The following AKR1B10 variants were observed in gnomAD, a reference collection of about 807,000 sequenced individuals.
AKR1B10 encodes aldo-keto reductase family 1 member B10, also known as ARP.
Under a neutral mutation model 38.9 loss-of-function variants are expected in AKR1B10, and 39 were observed. The ratio of observed to expected loss-of-function variants is 1.00; its 90% confidence interval spans 0.78 to 1.31. The LOEUF (loss-of-function observed/expected upper bound fraction) is 1.31, where lower values mean the gene tolerates loss of function less well. Among genes scored for constraint, AKR1B10 ranks in the 50% most tolerant of loss-of-function variants. The pLI is 0.00. For missense variants in AKR1B10, 361 were observed against 382.6 expected (o/e 0.94, Z 0.47); for synonymous variants, 148 against 141.2 (o/e 1.05, Z -0.34).
chr7:134,540,719 T>A (rs765822508), intron 9 of AKR1B10, among the ~76,000 whole-genome samples: 7 of 152,182 alleles, frequency 4.6e-5, no homozygotes, highest in Non-Finnish European at 7.3e-5. Context: ...AGCTGTCAAT[T>A]CTGCTGTTGT....
At chr7:134,540,176 C>G (rs1808111892) in intron 9 of AKR1B10, among the ~76,000 whole-genome samples, 1 of 152,012 alleles carries the variant, frequency 6.6e-6, no homozygotes, top group African/African-American at 2.4e-5. Flanking sequence ...TGAGATTGCG[C>G]CACTGCACTC....
At chr7:134,536,605 G>A (rs532370037) in intron 4 of AKR1B10, 45 bp from the exon 5 acceptor site, 3 of 1,603,364 alleles carry the variant, frequency 1.9e-6, no homozygotes, top group Non-Finnish European at 2.6e-6. Flanking sequence ...CAGGGTCCCT[G>A]TAGTCCCTCT....
At chr7:134,530,557 G>T in intron 1 of AKR1B10, 86 bp from the exon 2 acceptor site, 1 of 1,475,406 alleles carries the variant, frequency 6.8e-7, no homozygotes, top group Non-Finnish European at 9.3e-7. Flanking sequence ...TTGAACCTGG[G>T]AGTGTGAGGC....
In AKR1B10 at chr7:134,541,160, G is replaced by A. The variant is rs1585760250; in HGVS notation, c.*71G>A. 8.3e-7 allele frequency: 1 copy of A among 1,200,990 alleles called. No homozygotes were observed. The highest frequency in any genetic ancestry group is 1.5e-5 in the African/African-American group (1 of 65,386). 74.4% of individuals were successfully genotyped at this position (1,200,990 alleles called of 1,614,324 possible). ...CTGAAGTGTGACTACCTCCACTCAT[G>A]TCCCATTTTAGCCAAGCTTATTTAA... On this transcript the variant is annotated 3_prime_UTR_variant, in exon 10 of 10. Transcript: ENST00000359579.
intron 7 of AKR1B10, among the ~76,000 whole-genome samples, chr7:134,537,968 C>T (rs1258817271): frequency 6.6e-6 from 1 of 151,778 alleles, no homozygotes; most frequent in Non-Finnish European, 1.5e-5. Context: ...GACCCCCAAG[C>T]TACTTTCTTC....
In AKR1B10 at chr7:134,533,054, A is replaced by G. The variant is rs1288543365; in HGVS notation, c.402A>G (p.Gly134=). The G allele has an allele frequency of 4.4e-6, 7 of 1,598,878 alleles. No homozygotes were observed. Among genetic ancestry groups the G allele is most frequent in the Non-Finnish European group, 5.1e-6 (6 of 1,174,594 alleles). The change falls in exon 4 of 10, where the codon GGA becomes GGG. Residue 134 remains glycine, a synonymous_variant. Transcript: ENST00000359579. ...ATGATAAAGGTAATGCCATCGGTGG[A>G]AAAGCAACGTTCTTGGATGCCTGGG... is the stretch of plus-strand genomic sequence containing the variant. ...PKDDKGNAIG[G]KATFLDAWEA... is the part of the protein sequence containing the mutation.
intron 4 of AKR1B10, among the ~76,000 whole-genome samples, chr7:134,533,829 A>T (rs934477034): frequency 6.6e-6 from 1 of 152,196 alleles, no homozygotes; most frequent in African/African-American, 2.4e-5. Flanking sequence ...TGAAGGGATG[A>T]ACATTTTCTC....
intron 9 of AKR1B10, 83 bp from the exon 10 acceptor site, chr7:134,540,964 C>T (rs1808135060): frequency 1.0e-6 from 1 of 999,882 alleles, no homozygotes; most frequent in Non-Finnish European, 1.6e-6. Context: ...TAGAGTCCAC[C>T]AGGGAAGAAT....
chr7:134,537,465 C>T, intron 6 of AKR1B10, 115 bp from the exon 7 acceptor site: 1 of 1,248,306 alleles, frequency 8.0e-7, no homozygotes, highest in Admixed American at 2.2e-5. Flanking sequence ...GTCCTCCTGC[C>T]TGTCTCCCAG....
At position 134,537,586 on chromosome 7, in the gene AKR1B10, G is replaced by A. The variant is rs2257306; in HGVS notation, c.666G>A (p.Lys222=). 1.6e-5 allele frequency: 26 copies of A among 1,613,676 alleles called. No homozygotes were observed. Among genetic ancestry groups the A allele is most frequent in the Admixed American group, 1.2e-4 (7 of 59,990 alleles). ...PLGSPDRPWA[K]PEDPSLLEDP... is the part of the protein sequence containing the mutation. ...AGCATCTTTCTGCCCCTAGGGCCAAGCCAGAAGACCCTTCCCTGCTGGAGG... is the reference window on the plus strand; with the variant it reads ...AGCATCTTTCTGCCCCTAGGGCCAAACCAGAAGACCCTTCCCTGCTGGAGG... The change falls in exon 7 of 10, where the codon AAG becomes AAA. Residue 222 remains lysine, a synonymous_variant. Transcript: ENST00000359579.
At chr7:134,533,137 A>G in intron 4 of AKR1B10, 56 bp downstream of exon 4, 1 of 1,374,744 alleles carries the variant, frequency 7.3e-7, no homozygotes, top group Non-Finnish European at 1.0e-6. Context: ...GTTATCCATG[A>G]GATTCGCATG....
rs190464229 is a variant in AKR1B10 at position 134,527,842 on chromosome 7, T to C, written c.-70T>C. On this transcript the variant is annotated 5_prime_UTR_variant, in exon 1 of 10. Transcript: ENST00000359579. The stretch of plus-strand genomic sequence containing the variant: ...GCCTTGGCAACAGTGCAAGACTGTC[T>C]CAAAAACAGCAACAGAGAGCAGGAC... 1.8e-3 allele frequency: 2,924 copies of C among 1,608,454 alleles called. 5 individuals are homozygous for C. Among genetic ancestry groups the C allele is most frequent in the Admixed American group, 2.1e-3 (127 of 59,916 alleles).
Position 134,527,648 on chromosome 7 carries a change from C to G in AKR1B10, c.-264C>G. 1 of 282,188 alleles carries G rather than the reference C, an allele frequency of 3.5e-6. No homozygotes were observed. Among genetic ancestry groups the G allele is most frequent in the Non-Finnish European group, 6.9e-6 (1 of 144,478 alleles). 17.5% of individuals were successfully genotyped at this position (282,188 alleles called of 1,614,324 possible). A position where few individuals can be genotyped will look rare whatever the true frequency, so the allele number is the denominator to read the frequency against. ...TGGAAGGCCGAGGTGGGCGGATCAC[C>G]TGAGCTCAGGAGTTTGAGACCAGCC... On this transcript the variant is annotated 5_prime_UTR_variant, in exon 1 of 10. Transcript: ENST00000359579.
chr7:134,530,708 C>T lies in AKR1B10; in HGVS notation c.132C>T (p.Asp44=), dbSNP rs1430044556. The T allele has an allele frequency of 1.9e-6, 3 of 1,613,968 alleles. No individual in the cohort carries two copies. The highest frequency in any genetic ancestry group is 1.7e-6 in the Non-Finnish European group (2 of 1,179,960). ...VAIDAGYRHI[D]CAYVYQNEHE... Reference sequence around the variant, plus strand: ...TTGATGCAGGATATCGGCACATTGACTGTGCCTATGTCTATCAGAATGAAC... The same window carrying T: ...TTGATGCAGGATATCGGCACATTGATTGTGCCTATGTCTATCAGAATGAAC... The change falls in exon 2 of 10, where the codon GAC becomes GAT. Residue 44 remains aspartate (D), a synonymous_variant. Coordinates refer to ENST00000359579, the MANE Select transcript of AKR1B10 (RefSeq NM_020299.5).
At chr7:134,534,762 CA>C (rs1469464690) in intron 4 of AKR1B10, among the ~76,000 whole-genome samples, 1 of 152,190 alleles carries the variant, frequency 6.6e-6, no homozygotes, top group Non-Finnish European at 1.5e-5. Flanking sequence ...CCTATGTGCA[CA>C]AAAACTTTTA....
chr7:134,534,252 G>T (rs768142852), intron 4 of AKR1B10, among the ~76,000 whole-genome samples: 1 of 152,102 alleles, frequency 6.6e-6, no homozygotes. Flanking sequence ...CTCCTGAGTC[G>T]CTGGGACTAG....
At position 134,530,753 on chromosome 7, in the gene AKR1B10, C is replaced by A. The variant is rs749496966; in HGVS notation, c.177C>A (p.Ile59=). 1 of 1,613,956 alleles carries A rather than the reference C, an allele frequency of 6.2e-7. No individual in the cohort carries two copies. Reference sequence around the variant, plus strand: ...ATGAACATGAAGTGGGGGAAGCCATCCAAGAGAAGATCCAAGAGAAGGCTG... The same window carrying A: ...ATGAACATGAAGTGGGGGAAGCCATACAAGAGAAGATCCAAGAGAAGGCTG... ...YQNEHEVGEA[I]QEKIQEKAVK... The change falls in exon 2 of 10, where the codon ATC becomes ATA. Residue 59 remains isoleucine (I), a synonymous_variant. Transcript: ENST00000359579.
intron 2 of AKR1B10, among the ~76,000 whole-genome samples, chr7:134,531,201 C>T (rs991799845): frequency 2.6e-5 from 4 of 152,118 alleles, no homozygotes; most frequent in African/African-American, 9.7e-5. Flanking sequence ...GACTCTCAGC[C>T]AGGGGGAATT....
chr7:134,530,932 T>C, intron 2 of AKR1B10, 122 bp downstream of exon 2: 1 of 1,347,310 alleles, frequency 7.4e-7, no homozygotes, highest in Non-Finnish European at 1.0e-6. Flanking sequence ...TCTGCCTTGA[T>C]AACATCCGTG....
Sources: gnomAD v4.1 joint callset for allele counts (sites outside exome capture counted in the v4.1 genomes callset) on GRCh38, gnomAD v4.1.1 for gene constraint, MANE v1.5 for transcripts, NCBI Gene and HGNC (gene_info 2026-07-23, HGNC 2026-07-21) for gene names.